Variants in ZNF804B observed in about 807,000 individuals in gnomAD.
ZNF804B encodes zinc finger protein 804B.
ZNF804B carries 80 observed loss-of-function variants against 101.4 expected under a neutral mutation model. That is an observed-to-expected ratio of 0.79 (90% CI 0.66 to 0.95). The LOEUF is 0.95. Ranked by LOEUF, ZNF804B falls within the 40% of genes least tolerant of loss-of-function variation. The pLI is 0.00. For synonymous variants in ZNF804B, 622 were observed against 558.8 expected, an observed-to-expected ratio of 1.11 and a Z score of -1.59; for missense variants, 1,673 against 1,561.9, an observed-to-expected ratio of 1.07 and a Z score of -1.20.
At chr7:89,149,084 C>G (rs1053513905) in intron 1 of ZNF804B, among the ~76,000 whole-genome samples, 1 of 152,072 alleles carries the variant, frequency 6.6e-6, no homozygotes, top group Non-Finnish European at 1.5e-5. Context: ...TACCACCAAG[C>G]TGAAACTGAA....
chr7:89,321,950 A>G (rs1359433905), intron 2 of ZNF804B, among the ~76,000 whole-genome samples: 1 of 152,170 alleles, frequency 6.6e-6, no homozygotes, highest in African/African-American at 2.4e-5. Context: ...GTATTTTGAG[A>G]TGAAAAGTGG....
chr7:88,767,299 C>A (rs1446185078), intron 1 of ZNF804B, among the ~76,000 whole-genome samples: 1 of 152,194 alleles, frequency 6.6e-6, no homozygotes, highest in African/African-American at 2.4e-5. Context: ...TCAGAACCCA[C>A]CTACCAGTGT....
chr7:89,260,473 T>C (rs1419356742), intron 2 of ZNF804B, among the ~76,000 whole-genome samples: 1 of 152,158 alleles, frequency 6.6e-6, no homozygotes, highest in Non-Finnish European at 1.5e-5. Flanking sequence ...AAAAGTTGTT[T>C]CCCCTGCTGT....
chr7:88,972,263 A>G (rs1198614258), intron 1 of ZNF804B, among the ~76,000 whole-genome samples: 1 of 151,562 alleles, frequency 6.6e-6, no homozygotes, highest in African/African-American at 2.4e-5. Context: ...CCAGCTTAAA[A>G]TGTCTACTCT....
At chr7:89,278,273 G>C (rs1359456685) in intron 2 of ZNF804B, among the ~76,000 whole-genome samples, 1 of 151,900 alleles carries the variant, frequency 6.6e-6, no homozygotes, top group Non-Finnish European at 1.5e-5. Flanking sequence ...TGAGTAGGTT[G>C]TGAAAAATTT....
chr7:89,261,331 T>C (rs186752215), intron 2 of ZNF804B, among the ~76,000 whole-genome samples: 1 of 152,318 alleles, frequency 6.6e-6, no homozygotes, highest in African/African-American at 2.4e-5. Context: ...ACATGTATTT[T>C]GTGCAACATG....
chr7:88,979,905 T>TATTC (rs796907468), intron 1 of ZNF804B, among the ~76,000 whole-genome samples: 1 of 146,410 alleles, frequency 6.8e-6, no homozygotes, highest in African/African-American at 2.6e-5. Context: ...CATTCTTTTC[T>TATTC]TTTTTTTTTC....
At chr7:89,167,102 C>A (rs13241268) in intron 1 of ZNF804B, among the ~76,000 whole-genome samples, 31,111 of 151,532 alleles carry the variant, frequency 0.21, 3,392 homozygotes, top group Middle Eastern at 0.4. Flanking sequence ...TATATATATT[C>A]TTAGACTATG....
At chr7:88,975,285 GTA>G (rs1211772564) in intron 1 of ZNF804B, among the ~76,000 whole-genome samples, 1 of 151,294 alleles carries the variant, frequency 6.6e-6, no homozygotes, top group Non-Finnish European at 1.5e-5. Flanking sequence ...TGTCTTTTGG[GTA>G]TATTCCTAGC....
chr7:88,878,992 C>G (rs1030651464), intron 1 of ZNF804B, among the ~76,000 whole-genome samples: 1 of 152,074 alleles, frequency 6.6e-6, no homozygotes, highest in South Asian at 2.1e-4. Flanking sequence ...GCGTCACAGA[C>G]CACTCTGCCA....
intron 1 of ZNF804B, among the ~76,000 whole-genome samples, chr7:89,151,584 C>T (rs1362064030): frequency 6.6e-6 from 1 of 151,922 alleles, no homozygotes; most frequent in Non-Finnish European, 1.5e-5. Flanking sequence ...TTATGTGTTT[C>T]TGGCTACAGA....
intron 1 of ZNF804B, among the ~76,000 whole-genome samples, chr7:88,807,979 G>A (rs1790718404): frequency 6.6e-6 from 1 of 152,182 alleles, no homozygotes; most frequent in Non-Finnish European, 1.5e-5. Flanking sequence ...TGCTGTTAGT[G>A]TGAGCCATAG....
intron 1 of ZNF804B, among the ~76,000 whole-genome samples, chr7:89,013,261 T>G (rs914117211): frequency 6.6e-6 from 1 of 152,168 alleles, no homozygotes; most frequent in Non-Finnish European, 1.5e-5. Context: ...AAATAAGCCA[T>G]GCTCCTGCGA....
At chr7:88,931,639 T>G (rs182981141) in intron 1 of ZNF804B, among the ~76,000 whole-genome samples, 1 of 152,008 alleles carries the variant, frequency 6.6e-6, no homozygotes, top group East Asian at 1.9e-4. Flanking sequence ...TATATTTACT[T>G]GTGTTATCAT....
chr7:89,043,387 T>C (rs1789048898), intron 1 of ZNF804B, among the ~76,000 whole-genome samples: 1 of 152,228 alleles, frequency 6.6e-6, no homozygotes, highest in Non-Finnish European at 1.5e-5. Context: ...TGCACATAAT[T>C]AACCTTCATT....
intron 2 of ZNF804B, among the ~76,000 whole-genome samples, chr7:89,291,921 A>G (rs1454883317): frequency 6.6e-6 from 1 of 152,184 alleles, no homozygotes; most frequent in Non-Finnish European, 1.5e-5. Context: ...TGGAGTTCTA[A>G]TATGATTGGC....
chr7:89,020,813 G>C (rs1788654470), intron 1 of ZNF804B, among the ~76,000 whole-genome samples: 1 of 151,974 alleles, frequency 6.6e-6, no homozygotes, highest in Non-Finnish European at 1.5e-5. Flanking sequence ...AGTGTTTTGG[G>C]TTATTTTTAT....
intron 1 of ZNF804B, among the ~76,000 whole-genome samples, chr7:88,846,182 A>C (rs894640762): frequency 1.3e-5 from 2 of 152,216 alleles, no homozygotes; most frequent in African/African-American, 4.8e-5. Context: ...TATTGTTTTA[A>C]ATTTTCCAAT....
chr7:89,185,881 TAAGAAAAA>T (rs1156831633), intron 1 of ZNF804B, among the ~76,000 whole-genome samples: 1 of 147,560 alleles, frequency 6.8e-6, no homozygotes, highest in Non-Finnish European at 1.5e-5. Flanking sequence ...CCTGTCTCAA[TAAGAAAAA>T]AAGAAAAAAA....
Sources: allele counts gnomAD v4.1 joint callset (sites outside exome capture counted in the v4.1 genomes callset), GRCh38; gene constraint gnomAD v4.1.1; transcripts MANE v1.5; gene names NCBI Gene and HGNC (gene_info 2026-07-23, HGNC 2026-07-21).